CCDC106: variants seen among roughly 807,000 people sequenced by gnomAD.
The protein encoded by CCDC106 is coiled-coil domain-containing protein 106.
CCDC106 carries 17 observed loss-of-function variants against 24.7 expected under a neutral mutation model. The ratio of observed to expected loss-of-function variants is 0.69; its 90% CI spans 0.47 to 1.03. The LOEUF (loss-of-function observed/expected upper bound fraction) is 1.03. Ranked by LOEUF, CCDC106 falls within the 50% of genes least tolerant of loss-of-function variation. The pLI is 0.00. For missense variants in CCDC106, 337 were observed against 388.9 expected, an observed-to-expected ratio of 0.87 and a Z score of 1.12; for synonymous variants, 211 against 161.3, an observed-to-expected ratio of 1.31 and a Z score of -2.34.
rs1600058607 is a variant in CCDC106 at position 55,651,497 on chromosome 19, T to G, written c.526+2T>G. On this transcript the variant is annotated splice_donor_variant, in intron 4 of 4. Coordinates refer to ENST00000586790, the MANE Select transcript of CCDC106 (RefSeq NM_001370470.1). LOFTEE classifies it high-confidence loss of function. ...CCAAGGCCCGGGAGAGGCAGCGAGG[T>G]GAGTGGGGTGCATGGGGCGGGCGCT... The G allele has an allele frequency of 6.4e-7, 1 of 1,558,342 alleles. No individual in the cohort carries two copies. Among genetic ancestry groups the G allele is most frequent in the Non-Finnish European group, 8.7e-7 (1 of 1,152,256 alleles).
chr19:55,649,320 G>T lies in CCDC106; in HGVS notation c.136+11G>T. The T allele has an allele frequency of 6.2e-7, 1 of 1,612,812 alleles. No individual in the cohort carries two copies. The highest frequency in any genetic ancestry group is 1.6e-4 in the Middle Eastern group (1 of 6,062). ...GGAGAAACTTCGAGGGTGAGCTGAGGGGGTGTGGAGGGACTGGAGTCAGCT... is the reference window on the plus strand; with the variant it reads ...GGAGAAACTTCGAGGGTGAGCTGAGTGGGTGTGGAGGGACTGGAGTCAGCT... On this transcript the variant is annotated intron_variant, in intron 2 of 4. Coordinates refer to ENST00000586790, the MANE Select transcript of CCDC106 (RefSeq NM_001370470.1).
chr19:55,650,706 C>T (rs1195008319), intron 3 of CCDC106, among the ~76,000 whole-genome samples: 1 of 152,162 alleles, frequency 6.6e-6, no homozygotes, highest in African/African-American at 2.4e-5. Flanking sequence ...GTGACTGACT[C>T]CTTTGCACAG....
rs761171001 is a variant in CCDC106, at chr19:55,649,230, C to T, written c.57C>T (p.Ile19=). The change falls in exon 2 of 5, where the codon ATC becomes ATT. Residue 19 remains isoleucine, a synonymous_variant. Coordinates refer to ENST00000586790, the MANE Select transcript of CCDC106 (RefSeq NM_001370470.1). ...TGAAGGACGATGAGACCTTCGAGAT[C>T]TCCATTCCCTTCGATGAGGCACCCC... ...RTMKDDETFE[I]SIPFDEAPHL... 29 of 1,613,956 alleles carry T rather than the reference C, an allele frequency of 1.8e-5. No homozygotes were observed. Among genetic ancestry groups the T allele is most frequent in the Non-Finnish European group, 2.4e-5 (28 of 1,179,944 alleles).
intron 3 of CCDC106, among the ~76,000 whole-genome samples, chr19:55,650,320 A>G (rs887020021): frequency 3.9e-5 from 6 of 152,086 alleles, no homozygotes; most frequent in Admixed American, 6.5e-5. Context: ...GTTCACAGCT[A>G]GCGTCTTCTC....
Position 55,651,390 on chromosome 19 carries a change from G to T in CCDC106, c.421G>T (p.Gly141Ter). Residue 141 changes from glycine (G) to a stop codon, truncating the protein, a stop_gained, in exon 4 of 5, where the codon GGA becomes TGA. Coordinates refer to ENST00000586790, the MANE Select transcript of CCDC106 (RefSeq NM_001370470.1). LOFTEE classifies it high-confidence loss of function. ...DPESAASSLSGASEEGSASER... is the reference protein window; with the variant it reads ...DPESAASSLS ...TGAGTCAGCAGCCTCCTCCCTCAGCGGAGCGTCCGAAGAAGGCAGCGCCAG... is the reference window on the plus strand; with the variant it reads ...TGAGTCAGCAGCCTCCTCCCTCAGCTGAGCGTCCGAAGAAGGCAGCGCCAG... The T allele has an allele frequency of 6.2e-7, 1 of 1,611,564 alleles. No individual in the cohort carries two copies. Among genetic ancestry groups the T allele is most frequent in the Non-Finnish European group, 8.5e-7 (1 of 1,179,048 alleles).
At chr19:55,650,777 C>T (rs1983199454) in intron 3 of CCDC106, among the ~76,000 whole-genome samples, 1 of 152,194 alleles carries the variant, frequency 6.6e-6, no homozygotes, top group South Asian at 2.1e-4. Flanking sequence ...AGAGCCCTCC[C>T]CTAACCCGCC....
chr19:55,649,444 T>G lies in CCDC106; in HGVS notation c.173T>G (p.Met58Arg). 6.2e-7 allele frequency: 1 copy of G among 1,614,128 alleles called. No homozygotes were observed. The highest frequency in any genetic ancestry group is 8.5e-7 in the Non-Finnish European group (1 of 1,179,998). The change falls in exon 3 of 5, where the codon ATG becomes AGG. Residue 58 changes from methionine to arginine, a missense_variant. Around this residue, in one of 2 missense-constraint regions of CCDC106, gnomAD observed 234 missense variants for 236.5 expected, o/e 0.99. Coordinates refer to ENST00000586790, the MANE Select transcript of CCDC106 (RefSeq NM_001370470.1). ...GCTGCGTCCTCCGCCCTGGCTCTGA[T>G]GAACAGCGTCAAGACCCAGCTGCAC... is the stretch of plus-strand genomic sequence containing the variant. The part of the protein sequence containing the change: ...PEAASSALAL[M>R]NSVKTQLHMA...
chr19:55,651,162 C>T (rs1053702694), intron 3 of CCDC106, 121 bp from the exon 4 acceptor site: 1 of 769,710 alleles, frequency 1.3e-6, no homozygotes. Context: ...GTCTCTCTGT[C>T]TCTTTAGGGG....
chr19:55,650,425 G>A (rs936573327), intron 3 of CCDC106, among the ~76,000 whole-genome samples: 7 of 152,042 alleles, frequency 4.6e-5, no homozygotes, highest in African/African-American at 1.7e-4. Context: ...GACAGCCCAT[G>A]GCCTGGAGAA....
chr19:55,651,205 C>T, intron 3 of CCDC106, 78 bp from the exon 4 acceptor site: 2 of 1,136,552 alleles, frequency 1.8e-6, no homozygotes, highest in South Asian at 2.5e-5. Flanking sequence ...AGTTCGGGGA[C>T]TGCAGCCTCT....
rs575536760 is a variant in CCDC106 at position 55,650,965 on chromosome 19, G to A, written c.314-318G>A. Among the ~76,000 whole-genome samples, 7 of 152,236 alleles carry A rather than the reference G, an allele frequency of 4.6e-5. No homozygotes were observed. The East Asian group carries it at 1.4e-3, about 29-fold the overall frequency. Reference sequence around the variant, plus strand: ...GGCTACTCTCCAGAGGTCCCGCCCAGTCCCCAGAAATTTCTCCCTCCCCTA... The same window carrying A: ...GGCTACTCTCCAGAGGTCCCGCCCAATCCCCAGAAATTTCTCCCTCCCCTA... On this transcript the variant is annotated intron_variant, in intron 3 of 4. Coordinates refer to ENST00000586790, the MANE Select transcript of CCDC106 (RefSeq NM_001370470.1).
chr19:55,648,530 A>C lies in CCDC106; in HGVS notation c.-517A>C. On this transcript the variant is annotated 5_prime_UTR_variant, in exon 1 of 5. Transcript: ENST00000586790. ...CCGCCCGCCCACGCGAGTGCGGGGG[A>C]GGGGTGTGGGGGCCCCGAAGGTAGA... is the stretch of plus-strand genomic sequence containing the variant. The C allele has an allele frequency of 6.4e-6, 1 of 156,960 alleles. No individual in the cohort carries two copies. Among genetic ancestry groups the C allele is most frequent in the Admixed American group, 6.1e-5 (1 of 16,488 alleles). The allele number at this position is 156,960 out of a possible 1,614,324, so 9.7% of individuals were successfully genotyped here. A position where few individuals can be genotyped will look rare whatever the true frequency, so the allele number is the denominator to read the frequency against.
Position 55,652,140 on chromosome 19 carries a change from CG to C in CCDC106, c.527-284del, listed in dbSNP as rs891276090. Among the ~76,000 whole-genome samples the C allele has an allele frequency of 1.3e-5, 2 of 151,886 alleles. No homozygotes were observed. The highest frequency in any genetic ancestry group is 4.8e-5 in the African/African-American group (2 of 41,328). ...AGACGAGGGTGATGGCTCGGGGTGT[CG>C]GGGGGTGCTGGGACCGCGTGGGTTG... On this transcript the variant is annotated intron_variant, in intron 4 of 4. Transcript: ENST00000586790. This position sits in a 1 kb window ranked among gnomAD's most constrained non-coding sequence, Gnocchi z 5.9.
In CCDC106 at chr19:55,649,805, C is replaced by T. The variant is rs1198782252; in HGVS notation, c.313+221C>T. The stretch of plus-strand genomic sequence containing the variant: ...CTGTCTACTGGGGCCCGTCCTCCTG[C>T]CTTCTCCGTCAGCTCCCCAAATCCC... On this transcript the variant is annotated intron_variant, in intron 3 of 4. Transcript: ENST00000586790. The T allele has an allele frequency of 5.3e-6, 3 of 568,414 alleles. No homozygotes were observed. In the African/African-American group the frequency reaches 5.6e-5, roughly 11 times the overall value. The allele number at this position is 568,414 out of a possible 1,614,324, so 35.2% of individuals were successfully genotyped here.
At position 55,652,748 on chromosome 19, in the gene CCDC106, C is replaced by G; in HGVS notation, c.*2C>G. Reference sequence around the variant, plus strand: ...ATCACCTACCGCTTCAAGCGGTGATCGCACCACGCCTCCGCGCCTCCACCC... The same window carrying G: ...ATCACCTACCGCTTCAAGCGGTGATGGCACCACGCCTCCGCGCCTCCACCC... On this transcript the variant is annotated 3_prime_UTR_variant, in exon 5 of 5. Transcript: ENST00000586790. This position sits in a 1 kb window ranked among gnomAD's most constrained non-coding sequence, Gnocchi z 5.9. 3 of 1,602,964 alleles carry G rather than the reference C, an allele frequency of 1.9e-6. No homozygotes were observed. Among genetic ancestry groups the G allele is most frequent in the East Asian group, 2.2e-5 (1 of 44,616 alleles).
upstream of CCDC106, chr19:55,648,076 G>C (rs1982974015): frequency 6.6e-6 from 1 of 152,290 alleles, no homozygotes; most frequent in Non-Finnish European, 1.5e-5. Context: ...TTCAACGAGG[G>C]GCGCTAGCCT....
In CCDC106 at chr19:55,651,473, C is replaced by T; in HGVS notation, c.504C>T (p.Pro168=). 6.3e-7 allele frequency: 1 copy of T among 1,588,154 alleles called. No individual in the cohort carries two copies. Among genetic ancestry groups the T allele is most frequent in the Non-Finnish European group, 8.6e-7 (1 of 1,168,464 alleles). ...GGASRRRFGK[P]KARERQRVKD... Reference sequence around the variant, plus strand: ...CTAGTCGGAGGCGCTTTGGGAAGCCCAAGGCCCGGGAGAGGCAGCGAGGTG... The same window carrying T: ...CTAGTCGGAGGCGCTTTGGGAAGCCTAAGGCCCGGGAGAGGCAGCGAGGTG... Residue 168 remains proline, a synonymous_variant, in exon 4 of 5, where the codon CCC becomes CCT. Coordinates refer to ENST00000586790, the MANE Select transcript of CCDC106 (RefSeq NM_001370470.1).
rs867793502 is a variant in CCDC106 at position 55,648,768 on chromosome 19, C to G, written c.-279C>G. 1 of 549,174 alleles carries G rather than the reference C, an allele frequency of 1.8e-6. No homozygotes were observed. Among genetic ancestry groups the G allele is most frequent in the Non-Finnish European group, 3.2e-6 (1 of 308,322 alleles). 34.0% of individuals were successfully genotyped at this position (549,174 alleles called of 1,614,324 possible). A position where few individuals can be genotyped will look rare whatever the true frequency, so the allele number is the denominator to read the frequency against. ...TCCTTCGATACCCAGGAGCCCACGT[C>G]CCCAGCTCACTTCTCCCCCAGGACC... On this transcript the variant is annotated 5_prime_UTR_variant, in exon 1 of 5. Coordinates refer to ENST00000586790, the MANE Select transcript of CCDC106 (RefSeq NM_001370470.1).
intron 3 of CCDC106, among the ~76,000 whole-genome samples, chr19:55,650,666 T>A (rs959245382): frequency 6.6e-6 from 1 of 152,214 alleles, no homozygotes; most frequent in Admixed American, 6.5e-5. Context: ...GGCCTGCCAC[T>A]GTCTCCTCTC....
Sources: gnomAD v4.1 joint callset for allele counts (sites outside exome capture counted in the v4.1 genomes callset) on GRCh38, gnomAD v4.1.1 for gene constraint, gnomAD v4.1.1 regional missense constraint, Gnocchi (gnomAD v3.1) non-coding constraint, MANE v1.5 for transcripts, NCBI Gene and HGNC (gene_info 2026-07-23, HGNC 2026-07-21) for gene names.